Variants in CDH9 observed in about 807,000 individuals in gnomAD.
CDH9 encodes the protein cadherin-9.
Under a neutral mutation model 70.9 loss-of-function variants are expected in CDH9, and 28 were observed. The ratio of observed to expected loss-of-function variants is 0.40; its 90% CI spans 0.29 to 0.54. The LOEUF (loss-of-function observed/expected upper bound fraction) is 0.54. Among genes scored for constraint, CDH9 ranks in the 20% least tolerant of loss-of-function variants. The pLI is 0.59. For synonymous variants in CDH9, 409 were observed against 343.1 expected, an observed-to-expected ratio of 1.19 and a Z score of -2.12; for missense variants, 874 against 984.4, an observed-to-expected ratio of 0.89 and a Z score of 1.50.
intron 1 of CDH9, among the ~76,000 whole-genome samples, chr5:27,013,168 G>A (rs1287319097): frequency 6.6e-6 from 1 of 151,948 alleles, no homozygotes; most frequent in South Asian, 2.1e-4. Context: ...CATATCCTAG[G>A]AATACAAAAC....
chr5:27,000,569 A>G (rs935113762), intron 1 of CDH9, among the ~76,000 whole-genome samples: 1 of 152,170 alleles, frequency 6.6e-6, no homozygotes, highest in African/African-American at 2.4e-5. Flanking sequence ...CTTCAGCCAC[A>G]GTTAAGCTTT....
At chr5:26,887,212 G>A (rs1740579937) in intron 9 of CDH9, among the ~76,000 whole-genome samples, 1 of 151,738 alleles carries the variant, frequency 6.6e-6, no homozygotes, top group Admixed American at 6.6e-5. Flanking sequence ...TTAGAAAATT[G>A]GAATATAAGA....
intron 2 of CDH9, among the ~76,000 whole-genome samples, chr5:26,929,891 A>G (rs970737197): frequency 2.0e-5 from 3 of 152,064 alleles, no homozygotes; most frequent in African/African-American, 7.2e-5. Flanking sequence ...AATGGGTACA[A>G]AAATATAGTT....
chr5:26,906,011 TGTG>T lies in CDH9; in HGVS notation c.756_758del (p.Thr253del). 6.2e-7 allele frequency: 1 copy of T among 1,613,828 alleles called. No homozygotes were observed. Among genetic ancestry groups the T allele is most frequent in the Non-Finnish European group, 8.5e-7 (1 of 1,179,700 alleles). Reference sequence around the variant, plus strand: ...TGACATCTGTCAGCGTGATGTTCACTGTGGTGGTTCCAGAAAGGCCTCCCATCT... The same window carrying T: ...TGACATCTGTCAGCGTGATGTTCACTGTGGTTCCAGAAAGGCCTCCCATCT... On this transcript the variant is annotated inframe_deletion, in exon 5 of 12. Transcript: ENST00000231021.
chr5:26,958,103 A>G (rs1434443464), intron 2 of CDH9, among the ~76,000 whole-genome samples: 1 of 152,188 alleles, frequency 6.6e-6, no homozygotes, highest in Non-Finnish European at 1.5e-5. Flanking sequence ...GATTCAGAAA[A>G]CAACAACAGC....
At chr5:27,036,925 T>C (rs1743403692) in intron 1 of CDH9, among the ~76,000 whole-genome samples, 1 of 151,988 alleles carries the variant, frequency 6.6e-6, no homozygotes, top group Non-Finnish European at 1.5e-5. Flanking sequence ...TGTGCTGTAA[T>C]AGCATGTTAT....
At chr5:27,003,118 C>T (rs1015142218) in intron 1 of CDH9, among the ~76,000 whole-genome samples, 1 of 151,972 alleles carries the variant, frequency 6.6e-6, no homozygotes, top group African/African-American at 2.4e-5. Flanking sequence ...CATTTCAAAG[C>T]TGAAAAACCC....
intron 1 of CDH9, among the ~76,000 whole-genome samples, chr5:27,017,272 T>C (rs1743061937): frequency 6.6e-6 from 1 of 151,950 alleles, no homozygotes; most frequent in Non-Finnish European, 1.5e-5. Context: ...TTATTTTTGG[T>C]ATTGTCCTTT....
In CDH9 at chr5:27,017,306, A is replaced by G. The variant is rs991192253; in HGVS notation, c.-50+21157T>C. 4.0e-5 allele frequency among the ~76,000 whole-genome samples: 6 copies of G among 151,848 alleles called. No individual in the cohort carries two copies. In the Admixed American group the frequency reaches 4.0e-4, roughly 10 times the overall value. Reference sequence around the variant, plus strand: ...TTATTTTCCTAACATCAAAAATATTATTGTTTTTCCTTAATTATTTTAATG... The same window carrying G: ...TTATTTTCCTAACATCAAAAATATTGTTGTTTTTCCTTAATTATTTTAATG... On this transcript the variant is annotated intron_variant, in intron 1 of 11. Transcript: ENST00000231021.
At chr5:26,976,660 G>C (rs1411259005) in intron 2 of CDH9, among the ~76,000 whole-genome samples, 1 of 152,028 alleles carries the variant, frequency 6.6e-6, no homozygotes, top group Non-Finnish European at 1.5e-5. Flanking sequence ...GGCTGGTCTT[G>C]AACTCCTGAG....
intron 2 of CDH9, among the ~76,000 whole-genome samples, chr5:26,943,184 C>G (rs1258357015): frequency 6.6e-6 from 1 of 152,110 alleles, no homozygotes; most frequent in Non-Finnish European, 1.5e-5. Context: ...CTCATAGACA[C>G]CTCATACTCC....
At chr5:26,993,698 CA>C (rs34545141) in intron 1 of CDH9, among the ~76,000 whole-genome samples, 229 of 50,978 alleles carry the variant, frequency 4.5e-3, no homozygotes, top group African/African-American at 0.013. Context: ...TATTCAGCTG[CA>C]AAAAAAAAAA....
intron 1 of CDH9, among the ~76,000 whole-genome samples, chr5:27,027,045 A>T (rs1159561342): frequency 6.6e-6 from 1 of 152,016 alleles, no homozygotes; most frequent in Non-Finnish European, 1.5e-5. Flanking sequence ...AATACTTGGC[A>T]TTAAAATAGA....
chr5:26,893,185 T>A (rs1740690809), intron 7 of CDH9, among the ~76,000 whole-genome samples: 3 of 152,226 alleles, frequency 2.0e-5, no homozygotes, highest in Admixed American at 6.5e-5. Flanking sequence ...ATGGGTCTGA[T>A]CATAATTTTA....
intron 11 of CDH9, among the ~76,000 whole-genome samples, chr5:26,883,046 T>G (rs4254870): frequency 0.61 from 18,336 of 29,890 alleles, 4,818 homozygotes; most frequent in South Asian, 0.77. Flanking sequence ...TCATCTTATA[T>G]ATATATATAT....
At chr5:26,898,186 AG>A (rs1192372425) in intron 7 of CDH9, among the ~76,000 whole-genome samples, 2 of 152,144 alleles carry the variant, frequency 1.3e-5, no homozygotes, top group Non-Finnish European at 2.9e-5. Context: ...ACACAAACAA[AG>A]GAAAAAACGT....
At chr5:26,953,098 G>A (rs540064756) in intron 2 of CDH9, among the ~76,000 whole-genome samples, 5 of 152,076 alleles carry the variant, frequency 3.3e-5, no homozygotes, top group African/African-American at 1.2e-4. Flanking sequence ...CCTACTGAAG[G>A]TTTTATCATT....
chr5:27,016,047 A>G (rs1743041214), intron 1 of CDH9, among the ~76,000 whole-genome samples: 1 of 151,848 alleles, frequency 6.6e-6, no homozygotes, highest in Non-Finnish European at 1.5e-5. Flanking sequence ...GAGATAATCT[A>G]TCCTTTAACA....
At chr5:27,011,208 T>G (rs562722474) in intron 1 of CDH9, among the ~76,000 whole-genome samples, 1 of 152,116 alleles carries the variant, frequency 6.6e-6, no homozygotes, top group Non-Finnish European at 1.5e-5. Flanking sequence ...GAACATGTTA[T>G]TTATAGGTTG....
Sources: gnomAD v4.1 joint callset for allele counts (sites outside exome capture counted in the v4.1 genomes callset) on GRCh38, gnomAD v4.1.1 for gene constraint, MANE v1.5 for transcripts, NCBI Gene and HGNC (gene_info 2026-07-23, HGNC 2026-07-21) for gene names.